The following CDK7 variants were observed in gnomAD, a reference collection of about 807,000 sequenced individuals.
CDK7 encodes cyclin dependent kinase 7.
In CDK7, 25 loss-of-function variants were observed where a neutral mutation model predicts 49.1. The observed-to-expected ratio is 0.51, with a 90% CI of 0.37 to 0.71. The LOEUF (loss-of-function observed/expected upper bound fraction) is 0.71. Ranked by LOEUF, CDK7 falls within the 30% of genes least tolerant of loss-of-function variation. CDK7 has a pLI of 0.00. For synonymous variants in CDK7, 107 were observed against 140.0 expected, an observed-to-expected ratio of 0.76 and a Z score of 1.67; for missense variants, 316 against 411.7, an observed-to-expected ratio of 0.77 and a Z score of 2.01.
At chr5:69,235,567 C>A in intron 2 of CDK7, 114 bp downstream of exon 2, 1 of 742,762 alleles carries the variant, frequency 1.3e-6, no homozygotes, top group Non-Finnish European at 2.3e-6. Flanking sequence ...TTACTCATGT[C>A]ATTTTCAGAG....
chr5:69,255,300 T>A (rs1750413068), intron 4 of CDK7, among the ~76,000 whole-genome samples, 160 bp from the exon 5 acceptor site: 1 of 152,184 alleles, frequency 6.6e-6, no homozygotes, highest in Non-Finnish European at 1.5e-5. Context: ...TTTAGTACTG[T>A]CCAAAAAAGG....
chr5:69,260,489 A>T (rs1750747719), intron 7 of CDK7, among the ~76,000 whole-genome samples: 1 of 152,234 alleles, frequency 6.6e-6, no homozygotes, highest in Non-Finnish European at 1.5e-5. Context: ...AATGGGAACA[A>T]TTTATACTTT....
chr5:69,271,059 C>T (rs1247537198), intron 9 of CDK7, among the ~76,000 whole-genome samples: 2 of 152,166 alleles, frequency 1.3e-5, no homozygotes, highest in South Asian at 2.1e-4. Flanking sequence ...AACTCCAGAG[C>T]AGCTATACTG....
Position 69,246,527 on chromosome 5 carries a change from A to G in CDK7, c.127-5891A>G, listed in dbSNP as rs187292908. Among the ~76,000 whole-genome samples the G allele has an allele frequency of 8.5e-5, 13 of 152,200 alleles. No individual in the cohort carries two copies. In the East Asian group the frequency reaches 2.5e-3, roughly 29 times the overall value. On this transcript the variant is annotated intron_variant, in intron 2 of 11. Transcript: ENST00000256443. ...GGGCAACTTGAAGAACATGTGTCCA[A>G]TTTTGATGGTCTTTTCAAAACACCA...
In CDK7 at chr5:69,273,091, C is replaced by G. The variant is rs376959122; in HGVS notation, c.864+50C>G. ...CTAGGAAATATAAAAATAATCTTAA[C>G]TGTAGCATTGATAAAAATAGAATTT... is the stretch of plus-strand genomic sequence containing the variant. On this transcript the variant is annotated intron_variant, in intron 10 of 11. Transcript: ENST00000256443. 5.0e-6 allele frequency: 6 copies of G among 1,204,982 alleles called. No individual in the cohort carries two copies. The East Asian group carries it at 7.5e-5, about 15-fold the overall frequency. The allele number at this position is 1,204,982 out of a possible 1,614,324, so 74.6% of individuals were successfully genotyped here. A position where few individuals can be genotyped will look rare whatever the true frequency, so the allele number is the denominator to read the frequency against.
intron 9 of CDK7, among the ~76,000 whole-genome samples, chr5:69,269,960 G>A (rs1321866636): frequency 4.7e-5 from 7 of 149,180 alleles, no homozygotes; most frequent in Admixed American, 4.0e-4. Context: ...TGGTGGGTGC[G>A]ATGGCTCACG....
chr5:69,255,673 G>A, intron 5 of CDK7, 145 bp downstream of exon 5: 1 of 718,952 alleles, frequency 1.4e-6, no homozygotes, highest in Non-Finnish European at 2.5e-6. Flanking sequence ...TGAGGCAAAA[G>A]GATCTCTAGT....
At chr5:69,249,124 T>C (rs1021534088) in intron 2 of CDK7, among the ~76,000 whole-genome samples, 2 of 152,136 alleles carry the variant, frequency 1.3e-5, no homozygotes, top group Admixed American at 1.3e-4. Context: ...CTTTTGAGCC[T>C]GTCTTCTAGA....
intron 8 of CDK7, among the ~76,000 whole-genome samples, chr5:69,268,576 G>A (rs745484370): frequency 4.6e-5 from 7 of 152,224 alleles, no homozygotes; most frequent in Non-Finnish European, 8.8e-5. Flanking sequence ...TTGAAGGCCA[G>A]GCATGGTGGC....
At chr5:69,246,674 A>G (rs930905397) in intron 2 of CDK7, among the ~76,000 whole-genome samples, 6 of 145,762 alleles carry the variant, frequency 4.1e-5, no homozygotes, top group Non-Finnish European at 9.0e-5. Flanking sequence ...GTTCTTTAAG[A>G]TGCATCATTG....
rs939324918 is a variant in CDK7 at position 69,259,762 on chromosome 5, C to T, written c.409-56C>T. On this transcript the variant is annotated intron_variant, in intron 6 of 11. Coordinates refer to ENST00000256443, the MANE Select transcript of CDK7 (RefSeq NM_001799.4). ...AAAGTTATGCCAACTAAATGTAGCA[C>T]TACAGTGTTCTCCCCTACCCTGCTT... 5 of 1,084,398 alleles carry T rather than the reference C, an allele frequency of 4.6e-6. No individual in the cohort carries two copies. In the African/African-American group the frequency reaches 4.7e-5, roughly 10 times the overall value. The allele number at this position is 1,084,398 out of a possible 1,614,324, so 67.2% of individuals were successfully genotyped here.
chr5:69,234,972 C>T lies in CDK7; in HGVS notation c.-4C>T. ...TCGGCTGGAGTCGGGCTTTACGGCG[C>T]CGGATGGCTCTGGACGTGAAGTCTC... On this transcript the variant is annotated 5_prime_UTR_variant, in exon 1 of 12. Transcript: ENST00000256443. 6.3e-7 allele frequency: 1 copy of T among 1,592,782 alleles called. No homozygotes were observed. Among genetic ancestry groups the T allele is most frequent in the Non-Finnish European group, 8.5e-7 (1 of 1,169,966 alleles).
intron 5 of CDK7, among the ~76,000 whole-genome samples, chr5:69,257,536 A>G: frequency 6.6e-6 from 1 of 152,122 alleles, no homozygotes; most frequent in East Asian, 1.9e-4. Flanking sequence ...GAGTTTAATA[A>G]TACCTGAGGA....
intron 2 of CDK7, among the ~76,000 whole-genome samples, chr5:69,248,648 A>G (rs749680646): frequency 6.6e-6 from 1 of 152,090 alleles, no homozygotes; most frequent in Non-Finnish European, 1.5e-5. Context: ...TCGGCCTCCC[A>G]AAGTGCTGGA....
chr5:69,236,293 C>G (rs565248663), intron 2 of CDK7, among the ~76,000 whole-genome samples: 1 of 151,172 alleles, frequency 6.6e-6, no homozygotes, highest in South Asian at 2.1e-4. Flanking sequence ...CGTTCACCTA[C>G]ATTGTTTCTT....
chr5:69,243,397 T>C (rs1278079451), intron 2 of CDK7, among the ~76,000 whole-genome samples: 3 of 152,238 alleles, frequency 2.0e-5, no homozygotes, highest in Non-Finnish European at 4.4e-5. Context: ...GAAGAAACTG[T>C]CTTTTCCTCA....
intron 2 of CDK7, 90 bp downstream of exon 2, chr5:69,235,543 ACT>A (rs1042966951): frequency 1.2e-6 from 1 of 859,794 alleles, no homozygotes; most frequent in African/African-American, 1.7e-5. Context: ...TCTTGACCAT[ACT>A]CTGATAATGA....
Position 69,277,267 on chromosome 5 carries a change from C to A in CDK7, c.*132C>A. ...TTCTACACATGTAAAATATGTAAAA[C>A]TATGGGTTATTTTTATTAAATGTAT... On this transcript the variant is annotated 3_prime_UTR_variant, in exon 12 of 12. Coordinates refer to ENST00000256443, the MANE Select transcript of CDK7 (RefSeq NM_001799.4). 1 of 506,948 alleles carries A rather than the reference C, an allele frequency of 2.0e-6. No individual in the cohort carries two copies. The allele number at this position is 506,948 out of a possible 1,614,324, so 31.4% of individuals were successfully genotyped here.
Position 69,257,903 on chromosome 5 carries a change from G to T in CDK7, c.298-140G>T, listed in dbSNP as rs1750584902. 7 of 610,216 alleles carry T rather than the reference G, an allele frequency of 1.1e-5. No homozygotes were observed. In the South Asian group the frequency reaches 1.5e-4, roughly 13 times the overall value. 37.8% of individuals were successfully genotyped at this position (610,216 alleles called of 1,614,324 possible). On this transcript the variant is annotated intron_variant, in intron 5 of 11. Transcript: ENST00000256443. ...ATCTAACTCTGGAGATTTTGACAGG[G>T]CTTCCTGAGGAAACTTAGATAACCT...
Sources: gnomAD v4.1 joint callset for allele counts (sites outside exome capture counted in the v4.1 genomes callset) on GRCh38, gnomAD v4.1.1 for gene constraint, MANE v1.5 for transcripts, NCBI Gene and HGNC (gene_info 2026-07-23, HGNC 2026-07-21) for gene names.